The following TPTE variants were observed in gnomAD, a reference collection of about 807,000 sequenced individuals.
TPTE encodes the protein transmembrane phosphatase with tensin homology.
In TPTE, 59 loss-of-function variants were observed where a neutral mutation model predicts 84.1. The ratio of observed to expected loss-of-function variants is 0.70; its 90% confidence interval spans 0.57 to 0.87. The LOEUF (loss-of-function observed/expected upper bound fraction) is 0.87, where lower values mean the gene tolerates loss of function less well. Among genes scored for constraint, TPTE ranks in the 40% least tolerant of loss-of-function variants. The pLI is 0.00. For missense variants in TPTE, 382 were observed against 659.6 expected, an observed-to-expected ratio of 0.58 and a Z score of 4.61; for synonymous variants, 130 against 223.5, an observed-to-expected ratio of 0.58 and a Z score of 3.73.
At chr21:10,542,595 C>G (rs1289582003) in intron 6 of TPTE, 147 bp downstream of exon 6, 1 of 1,143,838 alleles carries the variant, frequency 8.7e-7, no homozygotes, top group Non-Finnish European at 1.3e-6. Flanking sequence ...ATCCATTCAT[C>G]CATCCATCCA....
intron 7 of TPTE, among the ~76,000 whole-genome samples, chr21:10,549,380 A>G (rs2074530327): frequency 6.6e-6 from 1 of 152,308 alleles, no homozygotes; most frequent in South Asian, 2.1e-4. Flanking sequence ...CTAATCATAA[A>G]CATATGATGT....
At chr21:10,552,410 AAGAGAC>A (rs2074592762) in intron 7 of TPTE, among the ~76,000 whole-genome samples, 1 of 152,298 alleles carries the variant, frequency 6.6e-6, no homozygotes, top group African/African-American at 2.4e-5. Flanking sequence ...TATATATAGA[AAGAGAC>A]AGAGAGAGAA....
intron 3 of TPTE, among the ~76,000 whole-genome samples, chr21:10,528,448 C>T (rs1406401601): frequency 6.6e-6 from 1 of 152,304 alleles, no homozygotes; most frequent in Non-Finnish European, 1.5e-5. Context: ...TTTAAGTAAG[C>T]TAAGTCATAT....
intron 17 of TPTE, among the ~76,000 whole-genome samples, chr21:10,590,094 A>G (rs1478876627): frequency 6.6e-6 from 1 of 152,312 alleles, no homozygotes; most frequent in Non-Finnish European, 1.5e-5. Flanking sequence ...GCATTTGTGC[A>G]ATTTTGGAAT....
intron 7 of TPTE, among the ~76,000 whole-genome samples, chr21:10,548,952 C>T (rs2074522353): frequency 6.6e-6 from 1 of 152,312 alleles, no homozygotes; most frequent in Admixed American, 6.5e-5. Flanking sequence ...GGCACCATGG[C>T]CAGCGGCATA....
intron 7 of TPTE, among the ~76,000 whole-genome samples, chr21:10,549,190 A>C (rs1345707223): frequency 1.3e-5 from 2 of 152,310 alleles, no homozygotes; most frequent in African/African-American, 4.8e-5. Flanking sequence ...GGTATACCCC[A>C]ATGAACTGAC....
intron 14 of TPTE, among the ~76,000 whole-genome samples, chr21:10,575,434 C>A (rs1318882287): frequency 4.8e-5 from 2 of 41,596 alleles, no homozygotes; most frequent in Non-Finnish European, 9.3e-5. Flanking sequence ...CCATTCCAAC[C>A]TGCTGGCTTT....
chr21:10,564,443 G>A (rs1042497364), intron 10 of TPTE, among the ~76,000 whole-genome samples: 2 of 152,308 alleles, frequency 1.3e-5, no homozygotes, highest in Non-Finnish European at 2.9e-5. Flanking sequence ...CTGGGAGGCA[G>A]AGGTTGCAGT....
At chr21:10,534,455 G>GT (rs1264811422) in intron 3 of TPTE, among the ~76,000 whole-genome samples, 49 of 152,392 alleles carry the variant, frequency 3.2e-4, no homozygotes, top group Middle Eastern at 3.4e-3. Flanking sequence ...TGTTTGTTTT[G>GT]TTTTTTTTAG....
At chr21:10,562,680 T>A (rs1259459232) in intron 10 of TPTE, among the ~76,000 whole-genome samples, 2 of 152,304 alleles carry the variant, frequency 1.3e-5, no homozygotes, top group African/African-American at 2.4e-5. Flanking sequence ...GAAGAAAGAA[T>A]TAATGAGCTT....
At chr21:10,562,252 T>C (rs1430083062) in intron 10 of TPTE, among the ~76,000 whole-genome samples, 1 of 152,312 alleles carries the variant, frequency 6.6e-6, no homozygotes, top group African/African-American at 2.4e-5. Flanking sequence ...CTGGAAAGCC[T>C]TCCCAAGAAA....
At chr21:10,544,440 A>G (rs940587678) in intron 7 of TPTE, among the ~76,000 whole-genome samples, 4 of 152,430 alleles carry the variant, frequency 2.6e-5, no homozygotes, top group Non-Finnish European at 4.4e-5. Flanking sequence ...GCTGGCGTGC[A>G]GTGGCGTGAT....
rs1979226332 is a variant in TPTE at position 10,605,676 on chromosome 21, T to C, written c.*124T>C. ...ATTTATTTATGTTTATATATGTTTA[T>C]ATATGTTCTTCATAAATCTATTACA... On this transcript the variant is annotated 3_prime_UTR_variant, in exon 24 of 24. Transcript: ENST00000618007. The C allele has an allele frequency of 2.7e-6, 4 of 1,475,084 alleles. No individual in the cohort carries two copies. Among genetic ancestry groups the C allele is most frequent in the Middle Eastern group, 1.9e-4 (1 of 5,252 alleles). The allele number at this position is 1,475,084 out of a possible 1,614,324, so 91.4% of individuals were successfully genotyped here. A position where few individuals can be genotyped will look rare whatever the true frequency, so the allele number is the denominator to read the frequency against.
At chr21:10,576,124 G>GCACA (rs2075144660) in intron 14 of TPTE, among the ~76,000 whole-genome samples, 3 of 152,420 alleles carry the variant, frequency 2.0e-5, no homozygotes, top group South Asian at 4.1e-4. Flanking sequence ...ATACATGCAT[G>GCACA]CACACATATG....
At chr21:10,559,685 C>G (rs1404453114) in intron 9 of TPTE, 141 bp downstream of exon 9, 6 of 1,232,150 alleles carry the variant, frequency 4.9e-6, no homozygotes, top group Non-Finnish European at 6.9e-6. Context: ...ACCAGCCTGG[C>G]TAACATGGTG....
Position 10,568,524 on chromosome 21 carries a change from A to G in TPTE, c.566+735A>G, listed in dbSNP as rs542912481. Among the ~76,000 whole-genome samples the G allele has an allele frequency of 2.6e-5, 4 of 152,424 alleles. No individual in the cohort carries two copies. In the East Asian group the frequency reaches 7.7e-4, roughly 29 times the overall value. On this transcript the variant is annotated intron_variant, in intron 11 of 23. Coordinates refer to ENST00000618007, the MANE Select transcript of TPTE (RefSeq NM_199261.4). ...AGAGCAAATGTATACTGGGATGTAGATGGTGGCTTCCTAAGCTTGTTCATG... is the reference window on the plus strand; with the variant it reads ...AGAGCAAATGTATACTGGGATGTAGGTGGTGGCTTCCTAAGCTTGTTCATG...
In TPTE at chr21:10,564,607, A is replaced by G. The variant is rs74395056; in HGVS notation, c.447-3063A>G. ...TATTGATGCAAAAATCCTCAACAAG[A>G]TACTAGAAAACTGAATTCAACAATA... is the stretch of plus-strand genomic sequence containing the variant. On this transcript the variant is annotated intron_variant, in intron 10 of 23. Coordinates refer to ENST00000618007, the MANE Select transcript of TPTE (RefSeq NM_199261.4). 2.4e-3 allele frequency among the ~76,000 whole-genome samples: 369 copies of G among 152,224 alleles called. No homozygotes were observed. In the East Asian group the frequency reaches 0.029, roughly 12 times the overall value.
chr21:10,532,782 T>C (rs920050501), intron 3 of TPTE, among the ~76,000 whole-genome samples: 2 of 152,298 alleles, frequency 1.3e-5, no homozygotes, highest in African/African-American at 4.8e-5. Flanking sequence ...CAAATGTGGG[T>C]TTTTTAAAAA....
chr21:10,587,929 A>G (rs1385792818), intron 17 of TPTE, among the ~76,000 whole-genome samples: 3 of 152,308 alleles, frequency 2.0e-5, no homozygotes, highest in African/African-American at 4.8e-5. Flanking sequence ...GGTCACTGCA[A>G]CCTCCGCCTC....
Sources: gnomAD v4.1 joint callset for allele counts (sites outside exome capture counted in the v4.1 genomes callset) on GRCh38, gnomAD v4.1.1 for gene constraint, MANE v1.5 for transcripts, NCBI Gene and HGNC (gene_info 2026-07-23, HGNC 2026-07-21) for gene names.